HEMK2: variants seen among roughly 807,000 people sequenced by gnomAD.
HEMK2 encodes the protein HemK methyltransferase 2, ETF1 glutamine and histone H4 lysine.
At chr21:28,831,933 T>C in the HEMK2 span, among the ~76,000 whole-genome samples, 1 of 152,308 alleles carries the variant, frequency 6.6e-6, no homozygotes, top group Non-Finnish European at 1.5e-5. Context: ...GTAAGGTATA[T>C]AGTATAACTG....
At chr21:28,801,386 T>C in the HEMK2 span, among the ~76,000 whole-genome samples, 8 of 152,286 alleles carry the variant, frequency 5.3e-5, no homozygotes, top group African/African-American at 1.9e-4. Flanking sequence ...ATAAACATTC[T>C]TTTTTTAAAA....
chr21:28,578,444 G>A, the HEMK2 span, among the ~76,000 whole-genome samples: 10 of 152,178 alleles, frequency 6.6e-5, no homozygotes, highest in African/African-American at 1.9e-4. Flanking sequence ...CAGGACAGAC[G>A]ATATTGACAG....
At chr21:28,665,487 T>C in the HEMK2 span, among the ~76,000 whole-genome samples, 1 of 144,994 alleles carries the variant, frequency 6.9e-6, no homozygotes, top group Non-Finnish European at 1.5e-5. Flanking sequence ...TTGGGAGATA[T>C]ACCTAATGCT....
chr21:28,614,301 T>G, the HEMK2 span, among the ~76,000 whole-genome samples: 1,225 of 151,282 alleles, frequency 8.1e-3, 24 homozygotes, highest in African/African-American at 0.027. Flanking sequence ...ATCTGGTGGG[T>G]TTTTTTTTAA....
the HEMK2 span, among the ~76,000 whole-genome samples, chr21:28,771,508 A>C: frequency 1.7e-5 from 2 of 120,942 alleles, no homozygotes; most frequent in African/African-American, 6.6e-5. Context: ...CATAATGCAC[A>C]AGATGCACCA....
At chr21:28,689,903 A>C in the HEMK2 span, among the ~76,000 whole-genome samples, 1 of 152,178 alleles carries the variant, frequency 6.6e-6, no homozygotes, top group Non-Finnish European at 1.5e-5. Flanking sequence ...GGTGGCCTTA[A>C]GAAGCTGAGT....
At chr21:28,814,864 G>A in the HEMK2 span, among the ~76,000 whole-genome samples, 1 of 152,102 alleles carries the variant, frequency 6.6e-6, no homozygotes, top group South Asian at 2.1e-4. Flanking sequence ...ATTTGACCCA[G>A]CAATCCCATT....
At chr21:28,885,022 T>G in the HEMK2 span, among the ~76,000 whole-genome samples, 384 of 152,144 alleles carry the variant, frequency 2.5e-3, no homozygotes, top group African/African-American at 8.8e-3. Flanking sequence ...AGGAGATGCG[T>G]CCCCGGCACA....
chr21:28,737,862 G>C, the HEMK2 span, among the ~76,000 whole-genome samples: 1 of 152,184 alleles, frequency 6.6e-6, no homozygotes, highest in Admixed American at 6.5e-5. Context: ...TTGGCAGCTA[G>C]CCAGTAATAT....
the HEMK2 span, among the ~76,000 whole-genome samples, chr21:28,723,944 C>T: frequency 5.3e-5 from 8 of 152,108 alleles, no homozygotes; most frequent in East Asian, 1.9e-4. Context: ...GGAGTTATTC[C>T]GTAACTTTGA....
chr21:28,647,328 A>C, the HEMK2 span, among the ~76,000 whole-genome samples: 1 of 109,808 alleles, frequency 9.1e-6, no homozygotes, highest in Non-Finnish European at 1.6e-5. Context: ...TACTAAAAAA[A>C]AAAAAAAAAA....
the HEMK2 span, among the ~76,000 whole-genome samples, chr21:28,799,784 T>G: frequency 1.3e-5 from 2 of 152,252 alleles, no homozygotes; most frequent in Non-Finnish European, 2.9e-5. Flanking sequence ...TTTTAACTTA[T>G]CCTCTCATTC....
chr21:28,697,500 C>A, the HEMK2 span, among the ~76,000 whole-genome samples: 4 of 152,178 alleles, frequency 2.6e-5, no homozygotes, highest in African/African-American at 9.7e-5. Context: ...AACTTTCCCA[C>A]ATCTGCCTGT....
chr21:28,807,888 C>T, the HEMK2 span, among the ~76,000 whole-genome samples: 1 of 152,048 alleles, frequency 6.6e-6, no homozygotes, highest in African/African-American at 2.4e-5. Flanking sequence ...CTCCATTTTC[C>T]CACTCAGCCA....
At chr21:28,770,694 C>T in the HEMK2 span, among the ~76,000 whole-genome samples, 11 of 152,190 alleles carry the variant, frequency 7.2e-5, no homozygotes, top group African/African-American at 2.2e-4. Context: ...CTCTCTCACT[C>T]GCTCTCACCT....
At chr21:28,649,840 G>A in the HEMK2 span, among the ~76,000 whole-genome samples, 521 of 137,958 alleles carry the variant, frequency 3.8e-3, 2 homozygotes, top group African/African-American at 0.015. Context: ...AACAGCTCAA[G>A]GAAAAGCAAA....
chr21:28,839,732 G>A, the HEMK2 span, among the ~76,000 whole-genome samples: 30 of 152,226 alleles, frequency 2.0e-4, no homozygotes, highest in Non-Finnish European at 3.8e-4. Context: ...ATCAACAAAT[G>A]GAAACATATC....
the HEMK2 span, among the ~76,000 whole-genome samples, chr21:28,788,202 A>ATATATACGTATATATGTATATATACACG: frequency 6.1e-4 from 82 of 134,168 alleles, no homozygotes; most frequent in South Asian, 1.8e-3. Context: ...GTATATACGT[A>ATATATACGTATATATGTATATATACACG]TATATACGTA....
the HEMK2 span, chr21:28,874,257 T>C: frequency 6.6e-6 from 1 of 152,228 alleles, no homozygotes; most frequent in Non-Finnish European, 1.5e-5. Flanking sequence ...AGATGAGACA[T>C]TCTGTAAGTC....
Sources: allele counts gnomAD v4.1 joint callset (sites outside exome capture counted in the v4.1 genomes callset), GRCh38; gene constraint gnomAD v4.1.1; transcripts MANE v1.5; gene names NCBI Gene and HGNC (gene_info 2026-07-23, HGNC 2026-07-21).